FAT3: variants seen among roughly 807,000 people sequenced by gnomAD.
FAT3 encodes protocadherin Fat 3.
Under a neutral mutation model 310.2 loss-of-function variants are expected in FAT3, and 95 were observed. The ratio of observed to expected loss-of-function variants is 0.31; its 90% CI spans 0.26 to 0.36. The LOEUF is 0.36. Ranked by LOEUF, FAT3 falls within the 10% of genes least tolerant of loss-of-function variation. The pLI is 1.00. For synonymous variants in FAT3, 2,314 were observed against 2,192.9 expected (o/e 1.06, Z -1.54); for missense variants, 5,408 against 5,715.6 (o/e 0.95, Z 1.74).
At chr11:92,632,418 G>GCAGA (rs1283358203) in intron 3 of FAT3, among the ~76,000 whole-genome samples, 1 of 152,208 alleles carries the variant, frequency 6.6e-6, no homozygotes, top group Non-Finnish European at 1.5e-5. Context: ...TGGCCGAGAG[G>GCAGA]CAGACGGGTT....
At chr11:92,421,014 G>A (rs1168700096) in intron 2 of FAT3, among the ~76,000 whole-genome samples, 4 of 151,990 alleles carry the variant, frequency 2.6e-5, no homozygotes, top group African/African-American at 4.8e-5. Context: ...TTCCATTAGC[G>A]GATGTTTTCC....
At chr11:92,843,187 A>G (rs1386482001) in intron 18 of FAT3, among the ~76,000 whole-genome samples, 2 of 152,152 alleles carry the variant, frequency 1.3e-5, no homozygotes, top group East Asian at 1.9e-4. Context: ...ACATACAAGG[A>G]CACATCTCTC....
chr11:92,465,828 G>A (rs1346806397), intron 2 of FAT3, among the ~76,000 whole-genome samples: 6 of 151,614 alleles, frequency 4.0e-5, no homozygotes, highest in East Asian at 3.9e-4. Flanking sequence ...AAACCTGCAC[G>A]TTGTAAAACT....
At chr11:92,386,341 C>G (rs1240541248) in intron 2 of FAT3, among the ~76,000 whole-genome samples, 1 of 152,098 alleles carries the variant, frequency 6.6e-6, no homozygotes, top group Non-Finnish European at 1.5e-5. Context: ...ATATGGACAC[C>G]TACCTCAAGA....
intron 3 of FAT3, among the ~76,000 whole-genome samples, chr11:92,633,190 C>T (rs1392712159): frequency 1.3e-5 from 2 of 152,158 alleles, no homozygotes; most frequent in Admixed American, 6.5e-5. Context: ...TTTTCACTTA[C>T]AAGAGGACTT....
At chr11:92,700,534 A>G (rs1040368692) in intron 4 of FAT3, among the ~76,000 whole-genome samples, 5 of 152,100 alleles carry the variant, frequency 3.3e-5, no homozygotes, top group Non-Finnish European at 7.4e-5. Context: ...GGTTTGAATG[A>G]GGGTAAGGGC....
intron 19 of FAT3, 134 bp from the exon 20 acceptor site, chr11:92,857,080 G>A (rs1213191098): frequency 5.4e-6 from 7 of 1,302,194 alleles, no homozygotes; most frequent in African/African-American, 4.4e-5. Context: ...TGGCATCTTT[G>A]TGACTCAGCT....
In FAT3 at chr11:92,533,184, G is replaced by A. The variant is rs193126763; in HGVS notation, c.3607+8236G>A. Among the ~76,000 whole-genome samples the A allele has an allele frequency of 5.5e-4, 84 of 152,048 alleles. 1 individual carries two copies. The South Asian group carries it at 0.011, about 20-fold the overall frequency. ...GCTGGGACTACAGGTATGTACCACC[G>A]TATCCAGTTATTATTATTATTATTT... On this transcript the variant is annotated intron_variant, in intron 3 of 27. Transcript: ENST00000525166.
At chr11:92,819,590 T>C (rs1947908468) in intron 13 of FAT3, among the ~76,000 whole-genome samples, 1 of 152,210 alleles carries the variant, frequency 6.6e-6, no homozygotes, top group African/African-American at 2.4e-5. Flanking sequence ...CTCAGAATAA[T>C]ATTTTACATC....
intron 3 of FAT3, among the ~76,000 whole-genome samples, chr11:92,662,306 A>G (rs515297): frequency 0.53 from 80,329 of 151,992 alleles, 21,859 homozygotes; most frequent in African/African-American, 0.65. Context: ...CCTGGGGAGC[A>G]TTTTCCTACT....
intron 3 of FAT3, among the ~76,000 whole-genome samples, chr11:92,675,705 G>A (rs767357118): frequency 3.3e-5 from 5 of 152,164 alleles, no homozygotes; most frequent in Non-Finnish European, 4.4e-5. Flanking sequence ...CATTTGAGGT[G>A]CGTTTATCTT....
chr11:92,651,178 C>G (rs927625204), intron 3 of FAT3, among the ~76,000 whole-genome samples: 28 of 152,220 alleles, frequency 1.8e-4, no homozygotes, highest in African/African-American at 5.5e-4. Flanking sequence ...CTACTGTTCA[C>G]AAAAGAGTCT....
intron 2 of FAT3, among the ~76,000 whole-genome samples, chr11:92,404,335 A>G (rs1950091971): frequency 3.9e-5 from 6 of 152,158 alleles, no homozygotes; most frequent in Admixed American, 3.3e-4. Context: ...TATGCTGGGT[A>G]CAGGATAGCC....
chr11:92,657,278 GCCCAGTAAA>G (rs201528580), intron 3 of FAT3, among the ~76,000 whole-genome samples: 1,665 of 152,310 alleles, frequency 0.011, 32 homozygotes, highest in African/African-American at 0.037. Context: ...CCAGCCATCT[GCCCAGTAAA>G]CTAAAGTGAG....
In FAT3 at chr11:92,353,027, T is replaced by C; in HGVS notation, c.915T>C (p.Ala305=). The C allele has an allele frequency of 6.2e-7, 1 of 1,613,758 alleles. No individual in the cohort carries two copies. The highest frequency in any genetic ancestry group is 2.2e-5 in the East Asian group (1 of 44,866). ...NGEIESVSIV[A]GDPLDQFFLA... is the part of the protein sequence containing the mutation. ...AGATCGAATCTGTTTCCATTGTGGC[T>C]GGGGATCCTTTAGATCAGTTCTTCC... Residue 305 remains alanine (A), a synonymous_variant, in exon 2 of 28, where the codon GCT becomes GCC. Transcript: ENST00000525166.
At chr11:92,824,518 A>G (rs945830439) in intron 13 of FAT3, among the ~76,000 whole-genome samples, 7 of 152,214 alleles carry the variant, frequency 4.6e-5, no homozygotes, top group African/African-American at 2.4e-5. Flanking sequence ...AGCCTATACA[A>G]TATGTATCTT....
chr11:92,313,689 A>T (rs1172347802), intron 1 of FAT3, among the ~76,000 whole-genome samples: 1 of 152,114 alleles, frequency 6.6e-6, no homozygotes, highest in Non-Finnish European at 1.5e-5. Flanking sequence ...CCTCCTGAGT[A>T]GCTTGGATTA....
At chr11:92,357,832 T>C (rs1039713443) in intron 2 of FAT3, among the ~76,000 whole-genome samples, 2 of 151,990 alleles carry the variant, frequency 1.3e-5, no homozygotes, top group Non-Finnish European at 2.9e-5. Context: ...AAGATACGTA[T>C]CTGCATTTGC....
chr11:92,390,179 C>G (rs1949716913), intron 2 of FAT3, among the ~76,000 whole-genome samples: 1 of 152,034 alleles, frequency 6.6e-6, no homozygotes, highest in Admixed American at 6.6e-5. Flanking sequence ...AGAGTTTATG[C>G]CATAATAGAT....
Sources: gnomAD v4.1 joint callset for allele counts (sites outside exome capture counted in the v4.1 genomes callset) on GRCh38, gnomAD v4.1.1 for gene constraint, MANE v1.5 for transcripts, NCBI Gene and HGNC (gene_info 2026-07-23, HGNC 2026-07-21) for gene names.